RERG: variants seen among roughly 807,000 people sequenced by gnomAD.
RERG encodes ras-related and estrogen-regulated growth inhibitor.
RERG carries 25 observed loss-of-function variants against 23.2 expected under a neutral mutation model. The observed-to-expected ratio is 1.08, with a 90% confidence interval of 0.79 to 1.50. RERG has a LOEUF of 1.50. Ranked by LOEUF, RERG falls within the 40% of genes most tolerant of loss-of-function variation. RERG has a pLI of 0.00. For missense variants in RERG, 253 were observed against 250.1 expected (o/e 1.01, Z -0.08); for synonymous variants, 81 against 89.1 (o/e 0.91, Z 0.51).
At chr12:15,168,945 G>A (rs1864734448) in intron 2 of RERG, among the ~76,000 whole-genome samples, 1 of 152,090 alleles carries the variant, frequency 6.6e-6, no homozygotes, top group South Asian at 2.1e-4. Context: ...AAGTACATAG[G>A]CAACTCAAGG....
At chr12:15,190,181 C>G (rs1591664014) in intron 2 of RERG, among the ~76,000 whole-genome samples, 1 of 152,232 alleles carries the variant, frequency 6.6e-6, no homozygotes, top group East Asian at 1.9e-4. Context: ...CATGGGAAGC[C>G]AGTTTGGGCC....
chr12:15,120,329 TTC>T (rs2136087869), intron 3 of RERG, among the ~76,000 whole-genome samples: 1 of 152,276 alleles, frequency 6.6e-6, no homozygotes, highest in South Asian at 2.1e-4. Flanking sequence ...AGCCAAGGCC[TTC>T]TCTTTCTGTA....
intron 2 of RERG, among the ~76,000 whole-genome samples, chr12:15,146,108 G>A (rs551448402): frequency 2.0e-4 from 30 of 152,246 alleles, no homozygotes; most frequent in African/African-American, 6.7e-4. Flanking sequence ...AAGTAGTAAC[G>A]CTTTTTGAGT....
At chr12:15,114,444 C>T (rs1863682408) in intron 3 of RERG, 1 of 152,076 alleles carries the variant, frequency 6.6e-6, no homozygotes, top group African/African-American at 2.4e-5. Context: ...AAGAAATTCA[C>T]ATAGGAGGAT....
intron 2 of RERG, among the ~76,000 whole-genome samples, chr12:15,201,653 AATT>A (rs1214286997): frequency 6.7e-6 from 1 of 149,266 alleles, no homozygotes; most frequent in South Asian, 2.1e-4. Context: ...GTATAGTAAT[AATT>A]ATTAGTAATA....
Position 15,217,506 on chromosome 12 carries a change from C to A in RERG, c.-17G>T, listed in dbSNP as rs1865459247. On this transcript the variant is annotated 5_prime_UTR_variant, in exon 2 of 5. Coordinates refer to ENST00000256953, the MANE Select transcript of RERG (RefSeq NM_032918.3). Reference sequence around the variant, plus strand: ...TTTAGCCATGATGGGTGTTGGTAGACAATTTACTGTTGTTAAAACTAAAGC... The same window carrying A: ...TTTAGCCATGATGGGTGTTGGTAGAAAATTTACTGTTGTTAAAACTAAAGC... 1.3e-6 allele frequency: 2 copies of A among 1,593,038 alleles called. No individual in the cohort carries two copies. The highest frequency in any genetic ancestry group is 2.7e-5 in the African/African-American group (2 of 74,628).
rs74330418 is a variant in RERG at position 15,206,657 on chromosome 12, G to A, written c.61+10772C>T. ...TTTAACAAGCTCTGCTGGTGATCCC[G>A]AGGCATGGTAAAGTTTGATATCAAC... On this transcript the variant is annotated intron_variant, in intron 2 of 4. Transcript: ENST00000256953. 7.6e-3 allele frequency among the ~76,000 whole-genome samples: 1,162 copies of A among 152,144 alleles called. 15 individuals are homozygous for A. The highest frequency in any genetic ancestry group is 0.027 in the African/African-American group (1,109 of 41,498).
At chr12:15,196,646 C>T (rs1031289591) in intron 2 of RERG, among the ~76,000 whole-genome samples, 9 of 152,100 alleles carry the variant, frequency 5.9e-5, no homozygotes, top group Admixed American at 2.0e-4. Flanking sequence ...TTAGTTTACA[C>T]TAAAAATGAA....
At chr12:15,148,845 C>CTTTT (rs1864379875) in intron 2 of RERG, among the ~76,000 whole-genome samples, 1 of 71,974 alleles carries the variant, frequency 1.4e-5, no homozygotes, top group Non-Finnish European at 3.0e-5. Context: ...TCCTTTAACT[C>CTTTT]TGTTTTTTTT....
chr12:15,155,795 T>C lies in RERG; in HGVS notation c.62-34676A>G, dbSNP rs1241274560. On this transcript the variant is annotated intron_variant, in intron 2 of 4. Transcript: ENST00000256953. ...TAGGGCTACCATGAAGTTTATATTA[T>C]AGAGCTGGATCTTTCACCCCTTTTG... 2.0e-5 allele frequency among the ~76,000 whole-genome samples: 3 copies of C among 152,234 alleles called. No homozygotes were observed. The East Asian group carries it at 5.8e-4, about 29-fold the overall frequency.
intron 2 of RERG, among the ~76,000 whole-genome samples, chr12:15,191,119 A>G (rs777143436): frequency 2.6e-5 from 4 of 152,112 alleles, no homozygotes; most frequent in Non-Finnish European, 4.4e-5. Context: ...CCCACACTCA[A>G]GGAGAGAGGA....
chr12:15,192,175 G>T (rs1230718023), intron 2 of RERG, among the ~76,000 whole-genome samples: 1 of 152,134 alleles, frequency 6.6e-6, no homozygotes, highest in African/African-American at 2.4e-5. Context: ...GACTTCTCAT[G>T]AAAGCTGACT....
chr12:15,145,604 G>A (rs1429808835), intron 2 of RERG, among the ~76,000 whole-genome samples: 2 of 152,208 alleles, frequency 1.3e-5, no homozygotes, highest in African/African-American at 2.4e-5. Context: ...ATCTGACAAG[G>A]GGATTTCAAC....
At chr12:15,113,312 AAAC>A (rs1454474797) in intron 3 of RERG, among the ~76,000 whole-genome samples, 1 of 152,130 alleles carries the variant, frequency 6.6e-6, no homozygotes, top group Non-Finnish European at 1.5e-5. Context: ...ATAAAAGAAA[AAAC>A]ATCATGAAAA....
chr12:15,173,852 T>A (rs1242338451), intron 2 of RERG, among the ~76,000 whole-genome samples: 1 of 152,054 alleles, frequency 6.6e-6, no homozygotes, highest in Non-Finnish European at 1.5e-5. Context: ...TCATTTATAA[T>A]TTTTAATTGA....
chr12:15,198,078 C>T lies in RERG; in HGVS notation c.61+19351G>A, dbSNP rs544275030. Among the ~76,000 whole-genome samples, 10 of 152,260 alleles carry T rather than the reference C, an allele frequency of 6.6e-5. No individual in the cohort carries two copies. In the South Asian group the frequency reaches 1.2e-3, roughly 19 times the overall value. On this transcript the variant is annotated intron_variant, in intron 2 of 4. Transcript: ENST00000256953. ...GACATCACCTGGCCTGGCCACTCTA[C>T]GCTTGATGCATTGGTTCTTTTTAGT...
intron 2 of RERG, among the ~76,000 whole-genome samples, chr12:15,192,908 C>T (rs1180906456): frequency 6.6e-6 from 1 of 152,152 alleles, no homozygotes; most frequent in Admixed American, 6.6e-5. Context: ...GTGCCCTTCT[C>T]AGTGCATCAT....
At chr12:15,192,607 T>C (rs903008301) in intron 2 of RERG, among the ~76,000 whole-genome samples, 1 of 152,182 alleles carries the variant, frequency 6.6e-6, no homozygotes, top group Non-Finnish European at 1.5e-5. Context: ...ATTGGTGCAA[T>C]ACTATTAACT....
At chr12:15,198,971 C>CA (rs1193293097) in intron 2 of RERG, among the ~76,000 whole-genome samples, 1 of 152,104 alleles carries the variant, frequency 6.6e-6, no homozygotes, top group Non-Finnish European at 1.5e-5. Context: ...TCCCTCTTGC[C>CA]ATGTAAAGAA....
Sources: allele counts gnomAD v4.1 joint callset (sites outside exome capture counted in the v4.1 genomes callset), GRCh38; gene constraint gnomAD v4.1.1; transcripts MANE v1.5; gene names NCBI Gene and HGNC (gene_info 2026-07-23, HGNC 2026-07-21).